The following DSCAML1 variants were observed in gnomAD, a reference collection of about 807,000 sequenced individuals.
The protein encoded by DSCAML1 is cell adhesion molecule DSCAML1.
Under a neutral mutation model 200.5 loss-of-function variants are expected in DSCAML1, and 38 were observed. The observed-to-expected ratio is 0.19, with a 90% confidence interval of 0.15 to 0.25. DSCAML1 has a LOEUF of 0.25. Among genes scored for constraint, DSCAML1 ranks in the 10% least tolerant of loss-of-function variants. DSCAML1 has a pLI of 1.00. For missense variants in DSCAML1, 2,223 were observed against 2,858.8 expected (o/e 0.78, Z 5.07); for synonymous variants, 1,215 against 1,165.0 (o/e 1.04, Z -0.87).
At chr11:117,549,755 G>C (rs2050437932) in intron 3 of DSCAML1, among the ~76,000 whole-genome samples, 1 of 152,168 alleles carries the variant, frequency 6.6e-6, no homozygotes, top group Non-Finnish European at 1.5e-5. Context: ...CCTCTTCTTA[G>C]AACTGTTAAA....
chr11:117,717,162 C>CCGAA (rs2053964635), intron 3 of DSCAML1, among the ~76,000 whole-genome samples: 2 of 152,194 alleles, frequency 1.3e-5, no homozygotes, highest in African/African-American at 4.8e-5. Context: ...CAGTGCCACG[C>CCGAA]CGAAGATGGT....
rs552784985 is a variant in DSCAML1 at position 117,687,426 on chromosome 11, A to ATTTTAAATTTT, written c.511+89364_511+89365insAAAATTTAAAA. 3.4e-3 allele frequency among the ~76,000 whole-genome samples: 330 copies of ATTTTAAATTTT among 97,654 alleles called. 12 individuals are homozygous for ATTTTAAATTTT. The highest frequency in any genetic ancestry group is 0.011 in the African/African-American group (273 of 24,316). The allele number at this position is 97,654 out of a possible 152,430, so 64.1% of individuals were successfully genotyped here. A position where few individuals can be genotyped will look rare whatever the true frequency, so the allele number is the denominator to read the frequency against. ...CAGGTGTGCTCCACCATGCCTGGCT[A>ATTTTAAATTTT]TTTTTTTTTTTTTTTTTTTTTTAGA... is the stretch of plus-strand genomic sequence containing the variant. On this transcript the variant is annotated intron_variant, in intron 3 of 32. Transcript: ENST00000651296.
At chr11:117,527,802 A>C (rs1414480570) in intron 4 of DSCAML1, among the ~76,000 whole-genome samples, 1 of 152,060 alleles carries the variant, frequency 6.6e-6, no homozygotes, top group Non-Finnish European at 1.5e-5. Flanking sequence ...TTGGGGTGAG[A>C]ATTCTCCTCT....
At chr11:117,497,942 C>T (rs920966431) in intron 11 of DSCAML1, among the ~76,000 whole-genome samples, 2 of 152,238 alleles carry the variant, frequency 1.3e-5, no homozygotes, top group Non-Finnish European at 2.9e-5. Flanking sequence ...CCCCACTCGC[C>T]CAATCAGGGG....
In DSCAML1 at chr11:117,505,389, A is replaced by G; in HGVS notation, c.2062+65T>C. Reference sequence around the variant, plus strand: ...CCCGTGATTGGAACTGGAAATCTAGAGACTGCAGTAGCAGCAGGCAGAATG... The same window carrying G: ...CCCGTGATTGGAACTGGAAATCTAGGGACTGCAGTAGCAGCAGGCAGAATG... On this transcript the variant is annotated intron_variant, in intron 9 of 32. Coordinates refer to ENST00000651296, the MANE Select transcript of DSCAML1 (RefSeq NM_020693.4). This position sits in a 1 kb window ranked among gnomAD's most constrained non-coding sequence, Gnocchi z 6.7. 3 of 1,567,156 alleles carry G rather than the reference A, an allele frequency of 1.9e-6. No homozygotes were observed. The highest frequency in any genetic ancestry group is 2.6e-6 in the Non-Finnish European group (3 of 1,159,138).
chr11:117,682,705 C>T (rs906351391), intron 3 of DSCAML1, among the ~76,000 whole-genome samples: 5 of 152,112 alleles, frequency 3.3e-5, no homozygotes, highest in Non-Finnish European at 5.9e-5. Context: ...ACTTACCCCT[C>T]GCTCCCAGCC....
At chr11:117,809,954 C>T (rs2055744664) in intron 1 of DSCAML1, among the ~76,000 whole-genome samples, 1 of 137,310 alleles carries the variant, frequency 7.3e-6, no homozygotes, top group African/African-American at 2.8e-5. Context: ...TACACACATT[C>T]ACACACTCAC....
chr11:117,468,813 C>T (rs2048632438), intron 16 of DSCAML1, among the ~76,000 whole-genome samples: 2 of 152,202 alleles, frequency 1.3e-5, no homozygotes, highest in African/African-American at 4.8e-5. Flanking sequence ...GGAAAAATAT[C>T]ACTAGGTCCT....
chr11:117,621,319 A>C (rs982681281), intron 3 of DSCAML1, among the ~76,000 whole-genome samples: 12 of 152,254 alleles, frequency 7.9e-5, no homozygotes, highest in Middle Eastern at 3.2e-3. Flanking sequence ...ATTCTAAGTA[A>C]ATATGACAGG....
intron 11 of DSCAML1, among the ~76,000 whole-genome samples, chr11:117,487,859 A>G (rs2049107693): frequency 6.6e-6 from 1 of 152,176 alleles, no homozygotes; most frequent in Non-Finnish European, 1.5e-5. Context: ...GTTTGGGGAA[A>G]GGGCCACAGT....
At chr11:117,794,327 G>A (rs1330217583) in intron 1 of DSCAML1, among the ~76,000 whole-genome samples, 1 of 152,174 alleles carries the variant, frequency 6.6e-6, no homozygotes, top group Non-Finnish European at 1.5e-5. Flanking sequence ...GGTTCATCCG[G>A]CTGCCTAAAC....
In DSCAML1 at chr11:117,439,186, T is replaced by A. The variant is rs1236326348; in HGVS notation, c.4144+80A>T. 4.5e-6 allele frequency: 7 copies of A among 1,553,828 alleles called. No homozygotes were observed. The Admixed American group carries it at 1.2e-4, about 27-fold the overall frequency. On this transcript the variant is annotated intron_variant, in intron 23 of 32. Transcript: ENST00000651296. ...CCTTGGTTTGGCTTCTTCCATTCGA[T>A]GACCCTCTCGCATGATGGAATCCCT...
chr11:117,433,579 AGGGCT>A, intron 27 of DSCAML1, 108 bp from the exon 28 acceptor site: 1 of 1,236,632 alleles, frequency 8.1e-7, no homozygotes, highest in Non-Finnish European at 1.1e-6. Context: ...AAATGGGGCC[AGGGCT>A]GGTCTCCTAA....
chr11:117,457,709 G>A (rs1331304691), intron 19 of DSCAML1, among the ~76,000 whole-genome samples: 7 of 152,132 alleles, frequency 4.6e-5, no homozygotes, highest in African/African-American at 1.4e-4. Context: ...TCCAGTCCCC[G>A]GGCACTGGGC....
At chr11:117,733,085 A>G (rs538340720) in intron 3 of DSCAML1, among the ~76,000 whole-genome samples, 3 of 152,196 alleles carry the variant, frequency 2.0e-5, no homozygotes, top group African/African-American at 7.2e-5. Context: ...GCAGGAGAGG[A>G]GGACAGAGAG....
intron 3 of DSCAML1, among the ~76,000 whole-genome samples, chr11:117,627,765 T>A (rs1385610691): frequency 6.6e-6 from 1 of 152,136 alleles, no homozygotes; most frequent in Non-Finnish European, 1.5e-5. Context: ...TGAATGCGGC[T>A]GAGCTGGGAT....
At chr11:117,644,386 G>A (rs562470353) in intron 3 of DSCAML1, among the ~76,000 whole-genome samples, 24 of 152,372 alleles carry the variant, frequency 1.6e-4, no homozygotes, top group Admixed American at 5.2e-4. Flanking sequence ...CCTGAGAGCC[G>A]AGGTGGGCAA....
At chr11:117,539,886 C>T (rs2050236657) in intron 3 of DSCAML1, among the ~76,000 whole-genome samples, 1 of 152,144 alleles carries the variant, frequency 6.6e-6, no homozygotes, top group Non-Finnish European at 1.5e-5. Context: ...TGTCCATCAA[C>T]AGACAAATGG....
chr11:117,723,866 CA>C (rs1360550759), intron 3 of DSCAML1, among the ~76,000 whole-genome samples: 1 of 152,232 alleles, frequency 6.6e-6, no homozygotes, highest in Non-Finnish European at 1.5e-5. Flanking sequence ...CTATGTGGCT[CA>C]ACCACGTCGT....
Sources: allele counts gnomAD v4.1 joint callset (sites outside exome capture counted in the v4.1 genomes callset), GRCh38; gene constraint gnomAD v4.1.1; non-coding constraint Gnocchi (gnomAD v3.1); transcripts MANE v1.5; gene names NCBI Gene and HGNC (gene_info 2026-07-23, HGNC 2026-07-21).